The following CATSPERT variants were observed in gnomAD, a reference collection of about 807,000 sequenced individuals.
CATSPERT encodes cation channel sperm-associated targeting subunit tau.
chr2:201,544,290 GC>G, the CATSPERT span, among the ~76,000 whole-genome samples: 74 of 152,196 alleles, frequency 4.9e-4, no homozygotes, highest in Non-Finnish European at 7.9e-4. Context: ...CCAAGTCTTT[GC>G]TATTGTGAAT....
At chr2:201,557,008 C>G in the CATSPERT span, 1 of 152,028 alleles carries the variant, frequency 6.6e-6, no homozygotes, top group African/African-American at 2.4e-5. Context: ...ACTTCTACAT[C>G]ATATGCTTTT....
the CATSPERT span, among the ~76,000 whole-genome samples, chr2:201,600,594 T>TA: frequency 6.6e-6 from 1 of 151,806 alleles, no homozygotes; most frequent in African/African-American, 2.4e-5. Context: ...ATAAAAAAAA[T>TA]AAAAAACTGT....
the CATSPERT span, among the ~76,000 whole-genome samples, chr2:201,592,950 T>A: frequency 6.6e-6 from 1 of 152,240 alleles, no homozygotes; most frequent in African/African-American, 2.4e-5. Flanking sequence ...ATTCATTAAC[T>A]TTTTGAAAGG....
chr2:201,517,607 C>G, the CATSPERT span, among the ~76,000 whole-genome samples: 1 of 152,188 alleles, frequency 6.6e-6, no homozygotes, highest in Admixed American at 6.5e-5. Flanking sequence ...TATAGTAAAG[C>G]CCTATTGAAC....
At chr2:201,576,062 T>C in the CATSPERT span, among the ~76,000 whole-genome samples, 1 of 152,210 alleles carries the variant, frequency 6.6e-6, no homozygotes, top group Non-Finnish European at 1.5e-5. Flanking sequence ...TATTATGTTG[T>C]AGACAAAAAT....
the CATSPERT span, among the ~76,000 whole-genome samples, chr2:201,531,951 G>A: frequency 6.6e-6 from 1 of 152,192 alleles, no homozygotes. Flanking sequence ...TACAAGATCG[G>A]TCTGGCTGCT....
the CATSPERT span, among the ~76,000 whole-genome samples, chr2:201,541,671 C>T: frequency 1.3e-5 from 2 of 150,852 alleles, no homozygotes; most frequent in Non-Finnish European, 2.9e-5. Context: ...TCTCAGCTTA[C>T]TGCAACCTCC....
At chr2:201,545,764 CAAG>C in the CATSPERT span, 3 of 478,594 alleles carry the variant, frequency 6.3e-6, no homozygotes, top group African/African-American at 6.1e-5. Context: ...TTACAGAAGA[CAAG>C]AAGGAGATGG....
the CATSPERT span, among the ~76,000 whole-genome samples, chr2:201,576,075 T>A: frequency 1.3e-5 from 2 of 152,218 alleles, no homozygotes; most frequent in Admixed American, 1.3e-4. Flanking sequence ...ACAAAAATGT[T>A]CCTGCTAAGT....
the CATSPERT span, among the ~76,000 whole-genome samples, chr2:201,531,821 C>T: frequency 1.3e-5 from 2 of 152,160 alleles, no homozygotes; most frequent in Non-Finnish European, 2.9e-5. Flanking sequence ...CACATGAGGA[C>T]AGAAAGATTA....
At chr2:201,591,185 T>G in the CATSPERT span, among the ~76,000 whole-genome samples, 1 of 152,078 alleles carries the variant, frequency 6.6e-6, no homozygotes, top group African/African-American at 2.4e-5. Flanking sequence ...AGGGATCCAG[T>G]TTCAGCTTTC....
the CATSPERT span, among the ~76,000 whole-genome samples, chr2:201,559,170 C>T: frequency 6.6e-6 from 1 of 152,234 alleles, no homozygotes. Flanking sequence ...CCCAATGGCC[C>T]TGTACCCCCA....
the CATSPERT span, among the ~76,000 whole-genome samples, chr2:201,495,226 T>G: frequency 6.6e-6 from 1 of 152,104 alleles, no homozygotes; most frequent in African/African-American, 2.4e-5. Flanking sequence ...ATCATAAATA[T>G]TCTCTAAAAA....
chr2:201,535,486 G>A, the CATSPERT span: 1 of 917,476 alleles, frequency 1.1e-6, no homozygotes, highest in Non-Finnish European at 1.3e-6. Context: ...AGGAGAACAT[G>A]TTATTTCCTA....
chr2:201,557,161 A>T, the CATSPERT span: 1 of 152,220 alleles, frequency 6.6e-6, no homozygotes, highest in Non-Finnish European at 1.5e-5. Flanking sequence ...TTTCTGTTAC[A>T]TGATCAATCA....
chr2:201,559,968 A>T, the CATSPERT span, among the ~76,000 whole-genome samples: 1 of 152,228 alleles, frequency 6.6e-6, no homozygotes, highest in African/African-American at 2.4e-5. Context: ...GAAAAAAATT[A>T]AAAATAATGA....
the CATSPERT span, among the ~76,000 whole-genome samples, chr2:201,576,938 C>T: frequency 6.6e-6 from 1 of 152,146 alleles, no homozygotes; most frequent in Non-Finnish European, 1.5e-5. Flanking sequence ...ACCACGTTAA[C>T]CTTTGGTATC....
the CATSPERT span, chr2:201,553,610 T>C: frequency 6.6e-6 from 1 of 152,242 alleles, no homozygotes; most frequent in Non-Finnish European, 1.5e-5. Flanking sequence ...TTCTGTCTAT[T>C]GATGAAGTTC....
At chr2:201,514,071 T>A in the CATSPERT span, among the ~76,000 whole-genome samples, 2 of 152,112 alleles carry the variant, frequency 1.3e-5, no homozygotes, top group Admixed American at 1.3e-4. Context: ...TAATAATATA[T>A]GTAATAAAAA....
Sources: gnomAD v4.1 joint callset for allele counts (sites outside exome capture counted in the v4.1 genomes callset) on GRCh38, gnomAD v4.1.1 for gene constraint, MANE v1.5 for transcripts, NCBI Gene and HGNC (gene_info 2026-07-23, HGNC 2026-07-21) for gene names.